CNTLN: variants seen among roughly 807,000 people sequenced by gnomAD.
The protein encoded by CNTLN is centlein, centrosomal protein.
CNTLN carries 212 observed loss-of-function variants against 180.0 expected under a neutral mutation model. The ratio of observed to expected loss-of-function variants is 1.18; its 90% CI spans 1.05 to 1.32. CNTLN has a LOEUF of 1.32. CNTLN is among the 40% of genes most tolerant of loss of function. The pLI is 0.00. For missense variants in CNTLN, 2,095 were observed against 1,610.9 expected, an observed-to-expected ratio of 1.30 and a Z score of -5.14; for synonymous variants, 722 against 563.1, an observed-to-expected ratio of 1.28 and a Z score of -3.99.
chr9:17,313,884 C>G (rs1331501746), intron 8 of CNTLN, among the ~76,000 whole-genome samples: 2 of 151,998 alleles, frequency 1.3e-5, no homozygotes, highest in Non-Finnish European at 2.9e-5. Flanking sequence ...GCAATCTCTG[C>G]CTCCTGGGTT....
At chr9:17,488,791 C>T (rs941633465) in intron 25 of CNTLN, among the ~76,000 whole-genome samples, 1 of 152,026 alleles carries the variant, frequency 6.6e-6, no homozygotes, top group African/African-American at 2.4e-5. Flanking sequence ...AATTGCCAGG[C>T]AGTATTGATT....
At chr9:17,189,401 C>CAT (rs1012138736) in intron 2 of CNTLN, among the ~76,000 whole-genome samples, 12 of 151,140 alleles carry the variant, frequency 7.9e-5, no homozygotes, top group African/African-American at 2.7e-4. Context: ...TTTTAAACTT[C>CAT]ATTAGTGCAG....
intron 18 of CNTLN, among the ~76,000 whole-genome samples, chr9:17,454,606 A>C (rs1831001336): frequency 1.3e-5 from 2 of 152,224 alleles, no homozygotes. Flanking sequence ...CTTCTCAGAC[A>C]CTATGTAGTA....
intron 18 of CNTLN, chr9:17,448,630 T>G (rs1830593256): frequency 6.6e-6 from 1 of 152,174 alleles, no homozygotes; most frequent in Non-Finnish European, 1.5e-5. Context: ...GTTCTTTACT[T>G]AGATACAGAT....
chr9:17,284,625 T>C (rs1563956229), intron 6 of CNTLN, among the ~76,000 whole-genome samples: 2 of 147,518 alleles, frequency 1.4e-5, no homozygotes, highest in Non-Finnish European at 3.0e-5. Flanking sequence ...TCTTTTTTTG[T>C]TGTATCTATT....
At chr9:17,345,145 T>A (rs1821781660) in intron 12 of CNTLN, among the ~76,000 whole-genome samples, 2 of 152,196 alleles carry the variant, frequency 1.3e-5, no homozygotes, top group African/African-American at 4.8e-5. Context: ...TTCTAGTTTT[T>A]TGCAATTATG....
At chr9:17,310,117 A>C (rs981967534) in intron 8 of CNTLN, among the ~76,000 whole-genome samples, 1 of 152,146 alleles carries the variant, frequency 6.6e-6, no homozygotes, top group African/African-American at 2.4e-5. Flanking sequence ...GGCTTTGTTT[A>C]GTTCTTTATT....
rs193148211 is a variant in CNTLN at position 17,391,346 on chromosome 9, A to G, written c.2079+3093A>G. 3.7e-3 allele frequency among the ~76,000 whole-genome samples: 562 copies of G among 152,116 alleles called. 3 individuals carry two copies. Among genetic ancestry groups the G allele is most frequent in the Non-Finnish European group, 5.6e-3 (380 of 67,984 alleles). On this transcript the variant is annotated intron_variant, in intron 14 of 25. Transcript: ENST00000380647. ...GGTTTTATGGCTTGCTTTTGGGGAG[A>G]GGAGTTCTAGTTTGTATGACCTGCC...
At chr9:17,468,051 T>C (rs1322303220) in intron 23 of CNTLN, among the ~76,000 whole-genome samples, 2 of 151,728 alleles carry the variant, frequency 1.3e-5, no homozygotes, top group Non-Finnish European at 3.0e-5. Context: ...CATAGGATAC[T>C]ACACAGCCAT....
chr9:17,489,747 T>A (rs572915741), intron 25 of CNTLN, among the ~76,000 whole-genome samples: 131 of 152,252 alleles, frequency 8.6e-4, no homozygotes, highest in African/African-American at 3.0e-3. Flanking sequence ...CTTATGTATA[T>A]TTGATACAGA....
chr9:17,256,878 G>T (rs1483924678), intron 5 of CNTLN, among the ~76,000 whole-genome samples: 1 of 151,788 alleles, frequency 6.6e-6, no homozygotes, highest in Non-Finnish European at 1.5e-5. Flanking sequence ...TTGGTGGCCT[G>T]GAACTTCAGA....
intron 5 of CNTLN, among the ~76,000 whole-genome samples, chr9:17,268,044 G>A (rs1255008781): frequency 1.3e-5 from 2 of 152,100 alleles, no homozygotes; most frequent in African/African-American, 4.8e-5. Flanking sequence ...ACTTGTCAAA[G>A]TCATTCTCCA....
At chr9:17,179,238 C>T (rs1024880637) in intron 2 of CNTLN, among the ~76,000 whole-genome samples, 6 of 116,380 alleles carry the variant, frequency 5.2e-5, no homozygotes, top group East Asian at 2.2e-4. Context: ...AGCGAGACTC[C>T]GTCTCAAAAA....
At position 17,236,590 on chromosome 9, in the gene CNTLN, T is replaced by C. The variant is rs1403642263; in HGVS notation, c.849+2T>C. 1.9e-6 allele frequency: 3 copies of C among 1,600,264 alleles called. No homozygotes were observed. Among genetic ancestry groups the C allele is most frequent in the Non-Finnish European group, 2.6e-6 (3 of 1,174,886 alleles). ...TATAGCACTGATGCAAAAATAAAGG[T>C]ATACAATAGGAATGGAATCCATACT... On this transcript the variant is annotated splice_donor_variant, in intron 5 of 25. Coordinates refer to ENST00000380647, the MANE Select transcript of CNTLN (RefSeq NM_017738.4). LOFTEE classifies it high-confidence loss of function.
chr9:17,367,649 G>A (rs528706502), intron 13 of CNTLN, among the ~76,000 whole-genome samples: 26 of 152,236 alleles, frequency 1.7e-4, no homozygotes, highest in African/African-American at 6.0e-4. Context: ...ATCTTGGACA[G>A]CAGCTCAGCC....
chr9:17,444,553 A>C (rs1830294356), intron 18 of CNTLN, among the ~76,000 whole-genome samples: 1 of 152,172 alleles, frequency 6.6e-6, no homozygotes, highest in Admixed American at 6.5e-5. Flanking sequence ...AATTTCCAAA[A>C]TACACACACA....
Position 17,330,647 on chromosome 9 carries a change from T to A in CNTLN, c.1357T>A (p.Ser453Thr). ...DYSAQVPHRPSLSSLETLMVS... is the reference protein window; with the variant it reads ...DYSAQVPHRPTLSSLETLMVS... ...TTTAAAATAGGTACCTCATCGCCCA[T>A]CCTTATCAAGCTTAGAAACGTTAAT... Residue 453 changes from serine to threonine, a missense_variant, in exon 9 of 26, where the codon TCC (serine) becomes ACC (threonine). Physicochemically the swap from Ser to Thr is moderately conservative, Grantham distance 58 (BLOSUM62 1). Transcript: ENST00000380647. The A allele has an allele frequency of 6.3e-7, 1 of 1,595,822 alleles. No homozygotes were observed. Among genetic ancestry groups the A allele is most frequent in the Non-Finnish European group, 8.5e-7 (1 of 1,171,526 alleles).
intron 15 of CNTLN, among the ~76,000 whole-genome samples, chr9:17,399,446 A>G (rs1406471619): frequency 6.6e-6 from 1 of 152,148 alleles, no homozygotes; most frequent in South Asian, 2.1e-4. Flanking sequence ...GTCTGACTTC[A>G]TGTCTCTCCC....
Position 17,273,673 on chromosome 9 carries a change from T to C in CNTLN, c.850-60T>C. The C allele has an allele frequency of 3.7e-6, 3 of 813,070 alleles. No individual in the cohort carries two copies. In the South Asian group the frequency reaches 1.0e-4, roughly 27 times the overall value. 50.4% of individuals were successfully genotyped at this position (813,070 alleles called of 1,614,324 possible). On this transcript the variant is annotated intron_variant, in intron 5 of 25. Coordinates refer to ENST00000380647, the MANE Select transcript of CNTLN (RefSeq NM_017738.4). Reference sequence around the variant, plus strand: ...TTGTAGAATAATTAAATATAACAGATGTTTTGTTACATGTAGTATTTATTA... The same window carrying C: ...TTGTAGAATAATTAAATATAACAGACGTTTTGTTACATGTAGTATTTATTA...
Sources: gnomAD v4.1 joint callset for allele counts (sites outside exome capture counted in the v4.1 genomes callset) on GRCh38, gnomAD v4.1.1 for gene constraint, MANE v1.5 for transcripts, NCBI Gene and HGNC (gene_info 2026-07-23, HGNC 2026-07-21) for gene names.